Variants in SLC25A28 observed in about 807,000 individuals in gnomAD.
SLC25A28 encodes the protein mitoferrin-2.
SLC25A28 carries 10 observed loss-of-function variants against 31.9 expected under a neutral mutation model. That is an observed-to-expected ratio of 0.31 (90% CI 0.19 to 0.53). The LOEUF (loss-of-function observed/expected upper bound fraction) is 0.53, where lower values mean the gene tolerates loss of function less well. SLC25A28 is among the 20% of genes least tolerant of loss of function. The pLI, the probability that SLC25A28 is intolerant of heterozygous loss-of-function variation, is 0.95. For synonymous variants in SLC25A28, 208 were observed against 203.6 expected, an observed-to-expected ratio of 1.02 and a Z score of -0.19; for missense variants, 256 against 490.3, an observed-to-expected ratio of 0.52 and a Z score of 4.51.
the SLC25A28 span, among the ~76,000 whole-genome samples, chr10:99,627,835 A>G: frequency 6.0e-5 from 9 of 151,176 alleles, no homozygotes; most frequent in African/African-American, 9.7e-5. Flanking sequence ...CATTCTTTCA[A>G]TTCTTTTTTG....
the SLC25A28 span, chr10:99,651,988 A>G: frequency 6.6e-6 from 1 of 151,698 alleles, no homozygotes; most frequent in African/African-American, 2.4e-5. Context: ...GGCTACCAAG[A>G]TTTTCTTCTC....
intron 1 of SLC25A28, chr10:99,618,315 A>G: frequency 1.0e-6 from 1 of 985,016 alleles, no homozygotes; most frequent in Non-Finnish European, 1.2e-6. Flanking sequence ...AATATTTCTA[A>G]GACAAATTAT....
At chr10:99,631,205 G>T in the SLC25A28 span, among the ~76,000 whole-genome samples, 1 of 152,106 alleles carries the variant, frequency 6.6e-6, no homozygotes, top group Non-Finnish European at 1.5e-5. Flanking sequence ...ATTCCATTGT[G>T]GAATTCTAAG....
chr10:99,630,554 A>C, the SLC25A28 span, among the ~76,000 whole-genome samples: 1 of 152,218 alleles, frequency 6.6e-6, no homozygotes, highest in Non-Finnish European at 1.5e-5. Flanking sequence ...ATTTTGAAAA[A>C]TATTGCTATG....
At chr10:99,618,632 A>C in intron 1 of SLC25A28, 1 of 985,450 alleles carries the variant, frequency 1.0e-6, no homozygotes, top group Non-Finnish European at 1.2e-6. Context: ...CTCCCAATTG[A>C]CAAGGACATT....
At chr10:99,612,469 T>C (rs1565018736) in intron 3 of SLC25A28, 74 bp downstream of exon 3, 2 of 1,537,596 alleles carry the variant, frequency 1.3e-6, no homozygotes, top group East Asian at 2.3e-5. Flanking sequence ...CCAAAACTGA[T>C]GTGCTTTCTT....
chr10:99,646,674 G>A, the SLC25A28 span, among the ~76,000 whole-genome samples: 206 of 152,262 alleles, frequency 1.4e-3, no homozygotes, highest in African/African-American at 4.4e-3. Flanking sequence ...GTTCCTATTC[G>A]ACCATCTTGG....
the SLC25A28 span, among the ~76,000 whole-genome samples, chr10:99,647,667 C>T: frequency 2.6e-5 from 4 of 152,068 alleles, no homozygotes; most frequent in African/African-American, 9.7e-5. Context: ...AATCAAGTCC[C>T]ATTTGTCTAT....
chr10:99,624,208 T>C (rs2034841656), upstream of SLC25A28, among the ~76,000 whole-genome samples: 1 of 150,344 alleles, frequency 6.7e-6, no homozygotes, highest in Non-Finnish European at 1.5e-5. Context: ...TCTTTGTTTC[T>C]TTCTTTCTTT....
the SLC25A28 span, among the ~76,000 whole-genome samples, chr10:99,638,345 T>C: frequency 6.6e-6 from 1 of 152,144 alleles, no homozygotes; most frequent in Non-Finnish European, 1.5e-5. Context: ...TTATAGAAGA[T>C]AACATTGGAC....
At position 99,620,175 on chromosome 10, in the gene SLC25A28, C is replaced by A; in HGVS notation, c.161G>T (p.Arg54Leu). 6.5e-7 allele frequency: 1 copy of A among 1,537,674 alleles called. No individual in the cohort carries two copies. Reference protein sequence around the residue: ...GEAGACRPPVRQDPDSGPDYE... With the variant: ...GEAGACRPPVLQDPDSGPDYE... ...GTCCGGGCCGGAGTCCGGATCTTGT[C>A]GTACCGGGGGCCTGCAGGCCCCGGC... Residue 54 changes from arginine (R) to leucine (L), a missense_variant, in exon 1 of 4, where the codon CGA becomes CTA. Physicochemically the swap from Arg to Leu is moderately radical, Grantham distance 102. This residue lies in a region of SLC25A28 where 41 missense variants were observed against 41.7 expected (regional missense o/e 0.98). Transcript: ENST00000370495.
the SLC25A28 span, among the ~76,000 whole-genome samples, chr10:99,638,230 G>T: frequency 6.6e-6 from 1 of 152,126 alleles, no homozygotes; most frequent in Non-Finnish European, 1.5e-5. Context: ...GTAATAATTG[G>T]CTAGCCACAT....
upstream of SLC25A28, among the ~76,000 whole-genome samples, chr10:99,623,584 C>A (rs906103907): frequency 6.6e-6 from 1 of 152,194 alleles, no homozygotes; most frequent in Non-Finnish European, 1.5e-5. Flanking sequence ...GCCTGCCTGC[C>A]TCGAGGATCC....
the SLC25A28 span, among the ~76,000 whole-genome samples, chr10:99,631,075 A>G: frequency 1.3e-5 from 2 of 152,146 alleles, no homozygotes; most frequent in Non-Finnish European, 2.9e-5. Context: ...CAGGACAAGA[A>G]CAGTGTTTGT....
the SLC25A28 span, among the ~76,000 whole-genome samples, chr10:99,641,511 G>A: frequency 6.6e-6 from 1 of 152,092 alleles, no homozygotes; most frequent in Admixed American, 6.6e-5. Context: ...CTCCCATTCT[G>A]TAGGCTGCCT....
At chr10:99,636,906 T>C in the SLC25A28 span, among the ~76,000 whole-genome samples, 39 of 152,086 alleles carry the variant, frequency 2.6e-4, no homozygotes, top group Non-Finnish European at 2.2e-4. Context: ...TTCCACAAGA[T>C]AGAGAAAGAG....
upstream of SLC25A28, chr10:99,620,756 C>T (rs991814985): frequency 2.1e-5 from 21 of 985,524 alleles, no homozygotes; most frequent in Non-Finnish European, 2.5e-5. Flanking sequence ...ACTTTGACCG[C>T]GGCCATTGGC....
In SLC25A28 at chr10:99,612,589, C is replaced by G; in HGVS notation, c.531G>C (p.Gly177=). The change falls in exon 3 of 4, where the codon GGG becomes GGC. Residue 177 remains glycine, a synonymous_variant. Coordinates refer to ENST00000370495, the MANE Select transcript of SLC25A28 (RefSeq NM_031212.4). ...GNSHIANGAA[G]CVATLLHDAA... ...CATCATGAAGTAATGTTGCCACACA[C>G]CCGGCCGCACCTGCAAACAAGAAAA... The G allele has an allele frequency of 6.2e-7, 1 of 1,614,152 alleles. No individual in the cohort carries two copies. The highest frequency in any genetic ancestry group is 2.2e-5 in the East Asian group (1 of 44,884).
the SLC25A28 span, among the ~76,000 whole-genome samples, chr10:99,631,945 G>A: frequency 8.3e-6 from 1 of 121,118 alleles, no homozygotes; most frequent in Admixed American, 1.1e-4. Flanking sequence ...GCCGGACTGC[G>A]GACTGCAGTG....
Sources: gnomAD v4.1 joint callset for allele counts (sites outside exome capture counted in the v4.1 genomes callset) on GRCh38, gnomAD v4.1.1 for gene constraint, gnomAD v4.1.1 regional missense constraint, MANE v1.5 for transcripts, NCBI Gene and HGNC (gene_info 2026-07-23, HGNC 2026-07-21) for gene names.